Variants in WDR18 observed in about 807,000 individuals in gnomAD.
WDR18 encodes the protein WD repeat-containing protein 18.
In WDR18, 33 loss-of-function variants were observed where a neutral mutation model predicts 49.6. That is an observed-to-expected ratio of 0.67 (90% CI 0.50 to 0.89). The LOEUF is 0.89. WDR18 is among the 40% of genes least tolerant of loss of function. The pLI, the probability that WDR18 is intolerant of heterozygous loss-of-function variation, is 0.00. For synonymous variants in WDR18, 315 were observed against 263.6 expected, an observed-to-expected ratio of 1.19 and a Z score of -1.89; for missense variants, 653 against 593.6, an observed-to-expected ratio of 1.10 and a Z score of -1.04.
chr19:991,013 C>T lies in WDR18; in HGVS notation c.741+18C>T, dbSNP rs761636839. On this transcript the variant is annotated intron_variant, in intron 5 of 9. Transcript: ENST00000585809. The stretch of plus-strand genomic sequence containing the variant: ...TCACCTGGGTGAGTGCCGCGGTCTG[C>T]GGGCTGCACCCTGCCCTGGGGCTGA... 9.4e-6 allele frequency: 15 copies of T among 1,600,816 alleles called. No individual in the cohort carries two copies. In the Admixed American group the frequency reaches 1.0e-4, roughly 11 times the overall value.
At chr19:983,079 C>T (rs1365809446), upstream of WDR18, among the ~76,000 whole-genome samples, 2 of 152,226 alleles carry the variant, frequency 1.3e-5, no homozygotes, top group Admixed American at 1.3e-4. Context: ...GCGGAAATCC[C>T]GACTTTTAAA....
chr19:991,490 CGGGGCCTGGCTGGGGGAGTGGA>C, intron 7 of WDR18, 139 bp downstream of exon 7: 1 of 207,278 alleles, frequency 4.8e-6, no homozygotes, highest in Non-Finnish European at 5.7e-6. Context: ...GGCTGTGGGG[CGGGGCCTGGCTGGGGGAGTGGA>C]CTGGCTGTGG....
chr19:992,941 G>A (rs957324442), intron 8 of WDR18, among the ~76,000 whole-genome samples: 3 of 152,214 alleles, frequency 2.0e-5, no homozygotes, highest in African/African-American at 4.8e-5. Context: ...TTATCTGGAG[G>A]GTGCCCGACA....
intron 7 of WDR18, 100 bp from the exon 8 acceptor site, chr19:991,855 T>C (rs1274209022): frequency 1.8e-6 from 2 of 1,138,744 alleles, no homozygotes; most frequent in Non-Finnish European, 2.2e-6. Context: ...GGGCGGGGAC[T>C]GGCTGGGGGC....
Position 991,310 on chromosome 19 carries a change from A to G in WDR18, c.890A>G (p.Asp297Gly), listed in dbSNP as rs754101003. The change falls in exon 7 of 10, where the codon GAC (aspartate) becomes GGC (glycine). Residue 297 changes from aspartate to glycine, a missense_variant. Coordinates refer to ENST00000585809, the MANE Select transcript of WDR18 (RefSeq NM_024100.4). ...GSHDETVRLW[D>G]VQSKQCIRTV... ...CACGACGAGACCGTGCGCCTCTGGG[A>G]CGTGCAGAGCAAGCAGTGCATCCGG... 6 of 1,559,942 alleles carry G rather than the reference A, an allele frequency of 3.8e-6. No homozygotes were observed. The East Asian group carries it at 1.4e-4, about 37-fold the overall frequency.
chr19:994,500 C>T lies in WDR18; in HGVS notation c.*156C>T, dbSNP rs1599450542. The T allele has an allele frequency of 9.2e-7, 1 of 1,088,504 alleles. No individual in the cohort carries two copies. Among genetic ancestry groups the T allele is most frequent in the East Asian group, 2.6e-5 (1 of 38,036 alleles). The allele number at this position is 1,088,504 out of a possible 1,614,324, so 67.4% of individuals were successfully genotyped here. A position where few individuals can be genotyped will look rare whatever the true frequency, so the allele number is the denominator to read the frequency against. ...CTCTGTGACTGGGCCGTCTTGGTGT[C>T]TCGTGGCACGCGTCACAGTGGTGCT... On this transcript the variant is annotated 3_prime_UTR_variant, in exon 10 of 10. Coordinates refer to ENST00000585809, the MANE Select transcript of WDR18 (RefSeq NM_024100.4).
rs914032057 is a variant in WDR18, at chr19:994,155, GC to G, written c.1168-52del. 6 of 1,550,724 alleles carry G rather than the reference GC, an allele frequency of 3.9e-6. No individual in the cohort carries two copies. In the Admixed American group the frequency reaches 5.6e-5, roughly 15 times the overall value. On this transcript the variant is annotated intron_variant, in intron 9 of 9. Coordinates refer to ENST00000585809, the MANE Select transcript of WDR18 (RefSeq NM_024100.4). ...CAGTCCTGGCCAGTGGGGGTGAGTG[GC>G]CCCCCTCCAGCACACCCCAGGCCAC...
intron 7 of WDR18, 56 bp from the exon 8 acceptor site, chr19:991,899 G>A: frequency 7.0e-7 from 1 of 1,430,012 alleles, no homozygotes; most frequent in South Asian, 1.4e-5. Flanking sequence ...AACTTGGCTT[G>A]CTGTGGGGTG....
At chr19:990,554 C>A in intron 4 of WDR18, 190 bp downstream of exon 4, 1 of 958,268 alleles carries the variant, frequency 1.0e-6, no homozygotes. Context: ...ACTCATTCAC[C>A]GTTTCTGGCC....
At chr19:986,138 C>A (rs932383724) in intron 2 of WDR18, among the ~76,000 whole-genome samples, 163 bp downstream of exon 2, 1 of 152,194 alleles carries the variant, frequency 6.6e-6, no homozygotes, top group Non-Finnish European at 1.5e-5. Context: ...TTCTCCAGGT[C>A]CCCTCGAGAC....
At chr19:986,426 C>T (rs2038475911) in intron 2 of WDR18, among the ~76,000 whole-genome samples, 1 of 152,210 alleles carries the variant, frequency 6.6e-6, no homozygotes, top group Admixed American at 6.5e-5. Flanking sequence ...CCCACCACCA[C>T]ACCTGGCTAA....
chr19:990,992 C>A lies in WDR18; in HGVS notation c.738C>A (p.Thr246=). 1 of 1,607,788 alleles carries A rather than the reference C, an allele frequency of 6.2e-7. No individual in the cohort carries two copies. The highest frequency in any genetic ancestry group is 1.7e-5 in the Admixed American group (1 of 59,566). The change falls in exon 5 of 10, where the codon ACC becomes ACA. Residue 246 remains threonine (T), a synonymous_variant. Coordinates refer to ENST00000585809, the MANE Select transcript of WDR18 (RefSeq NM_024100.4). ...CCATCTTCCAGGTCGACCTCTTCACCTGGGTGAGTGCCGCGGTCTGCGGGC... is the reference window on the plus strand; with the variant it reads ...CCATCTTCCAGGTCGACCTCTTCACATGGGTGAGTGCCGCGGTCTGCGGGC... ...EGSIFQVDLF[T]WPGQRERSFH...
At position 991,263 on chromosome 19, in the gene WDR18, C is replaced by T. The variant is rs777733969; in HGVS notation, c.843C>T (p.Gly281=). The T allele has an allele frequency of 1.9e-6, 3 of 1,573,208 alleles. No individual in the cohort carries two copies. The highest frequency in any genetic ancestry group is 2.3e-5 in the South Asian group (2 of 86,560). Residue 281 remains glycine (G), a synonymous_variant, in exon 7 of 10, where the codon GGC becomes GGT. Transcript: ENST00000585809. ...QVTCLSVSTD[G]SVLLSGSHDE... is the part of the protein sequence containing the mutation. ...CTTGCCTGTCAGTGTCCACTGACGG[C>T]AGCGTGCTGCTCTCAGGCTCCCACG...
upstream of WDR18, chr19:984,171 G>T: frequency 1.6e-6 from 1 of 640,078 alleles, no homozygotes; most frequent in Non-Finnish European, 2.5e-6. Context: ...CAGGCCGCGC[G>T]ACCCTCGAGT....
intron 2 of WDR18, among the ~76,000 whole-genome samples, chr19:987,829 G>GTTGTTTTTTTTTTTTTTTT (rs2038490475): frequency 1.1e-5 from 1 of 91,822 alleles, no homozygotes; most frequent in African/African-American, 5.3e-5. Context: ...GCCGCCTCCA[G>GTTGTTTTTTTTTTTTTTTT]TTTTTTTTTT....
intron 8 of WDR18, among the ~76,000 whole-genome samples, chr19:993,446 C>T (rs905879199): frequency 1.8e-4 from 28 of 152,376 alleles, no homozygotes; most frequent in Admixed American, 1.5e-3. Context: ...GGCTGCTAGT[C>T]CTCTGTGACC....
At chr19:988,193 C>T (rs900634031) in intron 2 of WDR18, among the ~76,000 whole-genome samples, 21 of 152,136 alleles carry the variant, frequency 1.4e-4, no homozygotes, top group Admixed American at 6.5e-5. Flanking sequence ...AGCCAGAGCT[C>T]AGGCCGGGAC....
intron 7 of WDR18, 122 bp from the exon 8 acceptor site, chr19:991,833 G>A (rs1269259999): frequency 9.0e-7 from 1 of 1,111,106 alleles, no homozygotes. Context: ...CTGGGGGCGT[G>A]GACTGGCTGT....
intron 3 of WDR18, 43 bp downstream of exon 3, chr19:989,938 G>A (rs376564900): frequency 1.7e-5 from 26 of 1,551,330 alleles, no homozygotes; most frequent in South Asian, 1.5e-4. Context: ...AACTGCACCC[G>A]GGCTCAGGCG....
Sources: gnomAD v4.1 joint callset for allele counts (sites outside exome capture counted in the v4.1 genomes callset) on GRCh38, gnomAD v4.1.1 for gene constraint, MANE v1.5 for transcripts, NCBI Gene and HGNC (gene_info 2026-07-23, HGNC 2026-07-21) for gene names.